Variants in AGO2 observed in about 807,000 individuals in gnomAD.
AGO2 encodes protein argonaute-2.
AGO2 carries 5 observed loss-of-function variants against 102.3 expected under a neutral mutation model. The observed-to-expected ratio is 0.05, with a 90% CI of 0.03 to 0.10. The LOEUF (loss-of-function observed/expected upper bound fraction) is 0.10, where lower values mean the gene tolerates loss of function less well. Among genes scored for constraint, AGO2 ranks in the 10% least tolerant of loss-of-function variants. The pLI is 1.00. For missense variants in AGO2, 541 were observed against 1,183.7 expected (o/e 0.46, Z 7.97); for synonymous variants, 449 against 473.1 (o/e 0.95, Z 0.66).
At chr8:140,594,173 G>A (rs1460335129) in intron 1 of AGO2, among the ~76,000 whole-genome samples, 2 of 152,158 alleles carry the variant, frequency 1.3e-5, no homozygotes, top group African/African-American at 4.8e-5. Flanking sequence ...GAATGGGCAG[G>A]CAAGCCACTG....
chr8:140,560,173 C>T (rs73362308), intron 5 of AGO2, among the ~76,000 whole-genome samples: 5,531 of 152,338 alleles, frequency 0.036, 197 homozygotes, highest in Middle Eastern at 0.095. Flanking sequence ...GCGACCATCT[C>T]GTGGCTTCAC....
chr8:140,598,701 C>G (rs905587157), intron 1 of AGO2, among the ~76,000 whole-genome samples: 2 of 152,204 alleles, frequency 1.3e-5, no homozygotes, highest in African/African-American at 4.8e-5. Context: ...CTGCTGCTTC[C>G]TCTGCCTGCC....
chr8:140,550,011 G>A (rs950256215), intron 11 of AGO2, among the ~76,000 whole-genome samples: 1 of 152,202 alleles, frequency 6.6e-6, no homozygotes, highest in Non-Finnish European at 1.5e-5. Flanking sequence ...CAAGAAACAC[G>A]TGTGTGTCCA....
upstream of AGO2, chr8:140,637,651 C>G (rs946982323): frequency 1.3e-5 from 2 of 152,372 alleles, no homozygotes; most frequent in African/African-American, 4.8e-5. Context: ...TCCCTCTGCT[C>G]TTTTCCTAGA....
At chr8:140,612,572 C>A (rs981889733) in intron 1 of AGO2, among the ~76,000 whole-genome samples, 2 of 151,890 alleles carry the variant, frequency 1.3e-5, no homozygotes, top group Non-Finnish European at 2.9e-5. Flanking sequence ...ACCAGCTTGG[C>A]CAACATGGTG....
At position 140,626,118 on chromosome 8, in the gene AGO2, G is replaced by A. The variant is rs896858004; in HGVS notation, c.22+9367C>T. On this transcript the variant is annotated intron_variant, in intron 1 of 18. Coordinates refer to ENST00000220592, the MANE Select transcript of AGO2 (RefSeq NM_012154.5). ...CCGGCTTCAGCTGGGTTCATGGCCC[G>A]GGGGGGCACAGCTGGCGCCCTTTCG... Among the ~76,000 whole-genome samples, 6 of 6,000 alleles carry A rather than the reference G, an allele frequency of 1.0e-3. No homozygotes were observed. In the Admixed American group the frequency reaches 0.015, roughly 15 times the overall value. 3.9% of individuals were successfully genotyped at this position (6,000 alleles called of 152,430 possible).
chr8:140,549,960 C>T (rs1241698714), intron 11 of AGO2, among the ~76,000 whole-genome samples: 3 of 152,176 alleles, frequency 2.0e-5, no homozygotes, highest in Non-Finnish European at 4.4e-5. Context: ...CACGGCACTC[C>T]AACCCAGCCA....
At position 140,549,278 on chromosome 8, in the gene AGO2, C is replaced by T; in HGVS notation, c.1424G>A (p.Arg475Lys). Residue 475 changes from arginine (R) to lysine (K), a missense_variant, in exon 12 of 19, where the codon AGA becomes AAA. Transcript: ENST00000220592. ...VHLKSFTEQL[R>K]KISRDAGMPI... is the part of the protein sequence containing the mutation. ...CATGCCGGCGTCTCTCGAGATCTTT[C>T]TGAGCTGCTCTGTGAAGGACCTGCA... The T allele has an allele frequency of 6.2e-7, 1 of 1,607,464 alleles. No individual in the cohort carries two copies. Among genetic ancestry groups the T allele is most frequent in the Non-Finnish European group, 8.5e-7 (1 of 1,175,350 alleles).
intron 10 of AGO2, among the ~76,000 whole-genome samples, chr8:140,555,046 G>A (rs1318870363): frequency 1.3e-5 from 2 of 152,084 alleles, no homozygotes; most frequent in African/African-American, 4.8e-5. Flanking sequence ...CCAAAACCTC[G>A]CTACAGGTCT....
upstream of AGO2, among the ~76,000 whole-genome samples, chr8:140,640,077 C>G (rs748971988): frequency 1.8e-4 from 27 of 152,282 alleles, no homozygotes; most frequent in Admixed American, 7.8e-4. Flanking sequence ...GGTGCCATCT[C>G]GGCTCATTGC....
At chr8:140,634,116 C>T (rs1248091176) in intron 1 of AGO2, among the ~76,000 whole-genome samples, 1 of 152,220 alleles carries the variant, frequency 6.6e-6, no homozygotes, top group Admixed American at 6.5e-5. Flanking sequence ...GACTGCGGCC[C>T]CTCCCAGGTG....
chr8:140,618,001 G>C (rs1297650729), intron 1 of AGO2, among the ~76,000 whole-genome samples: 1 of 143,906 alleles, frequency 6.9e-6, no homozygotes, highest in Admixed American at 7.0e-5. Flanking sequence ...GAGTGAGACC[G>C]TCTACAAAAA....
In AGO2 at chr8:140,557,665, G is replaced by A. The variant is rs759121823; in HGVS notation, c.879-429C>T. ...CAGGCCAGGCCGGTTCCGGCCGCAC[G>A]GTGACGGCAGGAGACGCCTGGGTGC... On this transcript the variant is annotated intron_variant, in intron 7 of 18. Transcript: ENST00000220592. The surrounding 1 kb of genome is among the most constrained non-coding windows in gnomAD (Gnocchi z 5.9). Among the ~76,000 whole-genome samples, 6 of 152,242 alleles carry A rather than the reference G, an allele frequency of 3.9e-5. No individual in the cohort carries two copies. The highest frequency in any genetic ancestry group is 1.5e-5 in the Non-Finnish European group (1 of 68,042).
In AGO2 at chr8:140,525,869, TCAC is replaced by T; in HGVS notation, c.*6172_*6174del. 6.6e-6 allele frequency: 1 copy of T among 152,264 alleles called. No individual in the cohort carries two copies. The highest frequency in any genetic ancestry group is 2.1e-4 in the South Asian group (1 of 4,822). The allele number at this position is 152,264 out of a possible 1,614,324, so 9.4% of individuals were successfully genotyped here. On this transcript the variant is annotated 3_prime_UTR_variant, in exon 19 of 19. Transcript: ENST00000220592. ...ACATTTCTGACAGCAAAGTGGTTAA[TCAC>T]AGGGAGGGGTGTTCAGAGCCTCCCA...
At chr8:140,584,121 A>G (rs530439447) in intron 2 of AGO2, among the ~76,000 whole-genome samples, 79 of 149,296 alleles carry the variant, frequency 5.3e-4, no homozygotes, top group African/African-American at 1.8e-3. Flanking sequence ...AATAACAAAA[A>G]GACAAGAAAC....
chr8:140,553,512 C>A (rs1236721452), intron 10 of AGO2, among the ~76,000 whole-genome samples: 4 of 147,248 alleles, frequency 2.7e-5, no homozygotes, highest in Admixed American at 2.1e-4. Flanking sequence ...TGGGTTCAAG[C>A]GATTCTCCTG....
At chr8:140,593,064 T>C (rs1037669182) in intron 1 of AGO2, 1 of 152,292 alleles carries the variant, frequency 6.6e-6, no homozygotes, top group Non-Finnish European at 1.5e-5. Flanking sequence ...GTGACATCTC[T>C]TGTACTTCAG....
intron 17 of AGO2, 191 bp downstream of exon 17, chr8:140,535,277 T>C: frequency 1.6e-6 from 1 of 606,130 alleles, no homozygotes; most frequent in Non-Finnish European, 2.9e-6. Flanking sequence ...AGGCTCATGC[T>C]GACCCACCCC....
intron 7 of AGO2, among the ~76,000 whole-genome samples, chr8:140,558,024 C>A (rs1243040091): frequency 3.3e-5 from 5 of 152,224 alleles, no homozygotes; most frequent in Admixed American, 1.3e-4. Flanking sequence ...TCTATCACCT[C>A]CTCCCGCAAA....
Sources: gnomAD v4.1 joint callset for allele counts (sites outside exome capture counted in the v4.1 genomes callset) on GRCh38, gnomAD v4.1.1 for gene constraint, Gnocchi (gnomAD v3.1) non-coding constraint, MANE v1.5 for transcripts, NCBI Gene and HGNC (gene_info 2026-07-23, HGNC 2026-07-21) for gene names.